The following CDH18 variants were observed in gnomAD, a reference collection of about 807,000 sequenced individuals.
The protein encoded by CDH18 is cadherin 18, also known as cadherin-18.
In CDH18, 31 loss-of-function variants were observed where a neutral mutation model predicts 67.9. That is an observed-to-expected ratio of 0.46 (90% CI 0.34 to 0.62). CDH18 has a LOEUF of 0.62. Ranked by LOEUF, CDH18 falls within the 20% of genes least tolerant of loss-of-function variation. The probability of loss-of-function intolerance (pLI) is 0.01; values close to 1 mark genes in which losing one functional copy is unlikely to be tolerated. For synonymous variants in CDH18, 362 were observed against 347.2 expected, an observed-to-expected ratio of 1.04 and a Z score of -0.48; for missense variants, 890 against 975.5, an observed-to-expected ratio of 0.91 and a Z score of 1.17.
At chr5:20,210,140 A>C (rs558088513) in intron 2 of CDH18, among the ~76,000 whole-genome samples, 1 of 151,908 alleles carries the variant, frequency 6.6e-6, no homozygotes, top group African/African-American at 2.4e-5. Flanking sequence ...TCCTCTTTAA[A>C]ATTTTAATTA....
At position 19,740,047 on chromosome 5, in the gene CDH18, T is replaced by C. The variant is rs58530751; in HGVS notation, c.523+6895A>G. On this transcript the variant is annotated intron_variant, in intron 4 of 12. Transcript: ENST00000382275. ...ATACATTTCCAAGAAAAAGGAACTT[T>C]GCAGTTAAACAATCTCCTTTTTGTA... Among the ~76,000 whole-genome samples, 146 of 152,338 alleles carry C rather than the reference T, an allele frequency of 9.6e-4. 1 individual carries two copies. The East Asian group carries it at 0.021, about 22-fold the overall frequency.
intron 1 of CDH18, among the ~76,000 whole-genome samples, chr5:20,453,474 C>T (rs536189707): frequency 6.6e-6 from 1 of 152,112 alleles, no homozygotes; most frequent in South Asian, 2.1e-4. Context: ...ATACCCCATG[C>T]ATTGCTTAGT....
At chr5:20,298,756 T>C (rs1282495630) in intron 1 of CDH18, among the ~76,000 whole-genome samples, 1 of 151,592 alleles carries the variant, frequency 6.6e-6, no homozygotes, top group African/African-American at 2.4e-5. Flanking sequence ...AAAAATAAAA[T>C]CTAATAACCA....
intron 2 of CDH18, among the ~76,000 whole-genome samples, chr5:19,918,275 T>C (rs1020409663): frequency 2.0e-5 from 3 of 152,176 alleles, no homozygotes; most frequent in Non-Finnish European, 4.4e-5. Context: ...CACAAGTTAG[T>C]ACACTTCAAG....
intron 1 of CDH18, among the ~76,000 whole-genome samples, chr5:20,406,499 C>T (rs1214327977): frequency 6.6e-6 from 1 of 151,760 alleles, no homozygotes; most frequent in East Asian, 1.9e-4. Flanking sequence ...ATGGGTGCAG[C>T]ACACCAACAT....
At chr5:20,264,254 T>C (rs1230345938) in intron 1 of CDH18, among the ~76,000 whole-genome samples, 2 of 152,204 alleles carry the variant, frequency 1.3e-5, no homozygotes, top group East Asian at 1.9e-4. Flanking sequence ...GTGAAGATAC[T>C]GATGTTCTTG....
At chr5:19,898,800 A>G (rs1789625361) in intron 2 of CDH18, among the ~76,000 whole-genome samples, 1 of 152,152 alleles carries the variant, frequency 6.6e-6, no homozygotes. Flanking sequence ...AAAATTGTGT[A>G]CAAGTGGGGA....
intron 1 of CDH18, among the ~76,000 whole-genome samples, chr5:20,532,433 C>A (rs942556725): frequency 2.0e-5 from 3 of 151,950 alleles, no homozygotes; most frequent in African/African-American, 7.2e-5. Flanking sequence ...CCAGAAATAT[C>A]TTTTTTTGTA....
intron 11 of CDH18, among the ~76,000 whole-genome samples, chr5:19,501,156 T>C (rs1743164865): frequency 6.7e-6 from 1 of 148,248 alleles, no homozygotes; most frequent in Middle Eastern, 3.3e-3. Flanking sequence ...TATATATAAT[T>C]ACATTTACAT....
At chr5:19,722,203 T>A in intron 4 of CDH18, among the ~76,000 whole-genome samples, 1 of 151,900 alleles carries the variant, frequency 6.6e-6, no homozygotes, top group Non-Finnish European at 1.5e-5. Context: ...ACAGGCACCC[T>A]CCACCATGCC....
At chr5:19,956,416 C>T (rs1341728445) in intron 2 of CDH18, among the ~76,000 whole-genome samples, 4 of 151,868 alleles carry the variant, frequency 2.6e-5, no homozygotes, top group African/African-American at 9.7e-5. Context: ...AAGAGTAGGT[C>T]AACATCATTC....
intron 1 of CDH18, among the ~76,000 whole-genome samples, chr5:20,288,844 CTT>C (rs1746888074): frequency 6.6e-6 from 1 of 151,714 alleles, no homozygotes; most frequent in Non-Finnish European, 1.5e-5. Flanking sequence ...ATTTGTGAAA[CTT>C]TTATATTTTT....
At chr5:20,308,456 T>C (rs1185632809) in intron 1 of CDH18, among the ~76,000 whole-genome samples, 1 of 151,126 alleles carries the variant, frequency 6.6e-6, no homozygotes, top group South Asian at 2.1e-4. Flanking sequence ...GGTAGGAGAA[T>C]CGCTTGAACC....
chr5:19,990,784 AG>A (rs1561691331), upstream of CDH18, among the ~76,000 whole-genome samples: 2,313 of 150,008 alleles, frequency 0.015, 66 homozygotes, highest in African/African-American at 0.054. Flanking sequence ...ACAAAAGAAA[AG>A]AAGAAGAAGA....
chr5:19,618,137 A>G (rs1158790633), intron 5 of CDH18, among the ~76,000 whole-genome samples: 1 of 152,112 alleles, frequency 6.6e-6, no homozygotes, highest in Non-Finnish European at 1.5e-5. Context: ...GTAGACACAC[A>G]TATTTATGAG....
chr5:20,128,549 C>T (rs1317999590), intron 2 of CDH18, among the ~76,000 whole-genome samples: 1 of 152,008 alleles, frequency 6.6e-6, no homozygotes, highest in Non-Finnish European at 1.5e-5. Flanking sequence ...TGAATCAGCT[C>T]TTTTGCAACT....
intron 1 of CDH18, among the ~76,000 whole-genome samples, chr5:20,499,233 G>A (rs886996625): frequency 5.9e-5 from 9 of 151,990 alleles, no homozygotes; most frequent in African/African-American, 2.2e-4. Flanking sequence ...AAATGGCATG[G>A]TATTCGCATA....
At chr5:19,537,023 G>A (rs1401610501) in intron 9 of CDH18, among the ~76,000 whole-genome samples, 1 of 152,200 alleles carries the variant, frequency 6.6e-6, no homozygotes, top group African/African-American at 2.4e-5. Context: ...AATTTTATGT[G>A]TGGACTTGAT....
intron 2 of CDH18, among the ~76,000 whole-genome samples, chr5:20,088,591 C>A (rs75307480): frequency 0.024 from 3,678 of 152,222 alleles, 141 homozygotes; most frequent in African/African-American, 0.079. Flanking sequence ...ATATGGCAGA[C>A]TGTGCAGACA....
Sources: allele counts gnomAD v4.1 joint callset (sites outside exome capture counted in the v4.1 genomes callset), GRCh38; gene constraint gnomAD v4.1.1; transcripts MANE v1.5; gene names NCBI Gene and HGNC (gene_info 2026-07-23, HGNC 2026-07-21).